The following RFX4 variants were observed in gnomAD, a reference collection of about 807,000 sequenced individuals.
The protein encoded by RFX4 is transcription factor RFX4.
Under a neutral mutation model 95.0 loss-of-function variants are expected in RFX4, and 10 were observed. The ratio of observed to expected loss-of-function variants is 0.11; its 90% CI spans 0.06 to 0.18. The LOEUF is 0.18. RFX4 is among the 10% of genes least tolerant of loss of function. The pLI, the probability that RFX4 is intolerant of heterozygous loss-of-function variation, is 1.00. For missense variants in RFX4, 640 were observed against 922.0 expected (o/e 0.69, Z 3.96); for synonymous variants, 321 against 340.7 (o/e 0.94, Z 0.64).
rs111704544 is a variant in RFX4 at position 106,681,854 on chromosome 12, G to T, written c.316-139G>T. On this transcript the variant is annotated intron_variant, in intron 4 of 17. Transcript: ENST00000392842. Reference sequence around the variant, plus strand: ...CTCTGACACCAGTAGTCTTCTCCAGGGTCCTCACAGACTCCTATTAAGTCA... The same window carrying T: ...CTCTGACACCAGTAGTCTTCTCCAGTGTCCTCACAGACTCCTATTAAGTCA... 50 of 774,268 alleles carry T rather than the reference G, an allele frequency of 6.5e-5. No individual in the cohort carries two copies. The African/African-American group carries it at 7.1e-4, about 11-fold the overall frequency. The allele number at this position is 774,268 out of a possible 1,614,324, so 48.0% of individuals were successfully genotyped here.
At chr12:106,584,250 GCCGTCAC>G (rs1406431720) in intron 1 of RFX4, among the ~76,000 whole-genome samples, 1 of 152,158 alleles carries the variant, frequency 6.6e-6, no homozygotes, top group Non-Finnish European at 1.5e-5. Context: ...CCTTTGAAGA[GCCGTCAC>G]ACTTCTAGAT....
intron 6 of RFX4, among the ~76,000 whole-genome samples, chr12:106,688,986 T>C (rs182386121): frequency 6.6e-6 from 1 of 152,296 alleles, no homozygotes. Flanking sequence ...GATACCATTT[T>C]TGTTTTCCTA....
intron 4 of RFX4, 131 bp from the exon 5 acceptor site, chr12:106,681,862 C>G: frequency 1.2e-6 from 1 of 859,562 alleles, no homozygotes; most frequent in Non-Finnish European, 1.9e-6. Flanking sequence ...AGGGTCCTCA[C>G]AGACTCCTAT....
intron 9 of RFX4, 115 bp from the exon 10 acceptor site, chr12:106,711,337 AG>A: frequency 1.2e-6 from 1 of 846,566 alleles, no homozygotes; most frequent in South Asian, 1.5e-5. Flanking sequence ...GGGATTGGGC[AG>A]TGAGATAAAC....
At chr12:106,704,668 T>G (rs904712349) in intron 8 of RFX4, among the ~76,000 whole-genome samples, 1 of 152,116 alleles carries the variant, frequency 6.6e-6, no homozygotes, top group African/African-American at 2.4e-5. Flanking sequence ...GACACTATGA[T>G]AGAGATAACC....
intron 17 of RFX4, among the ~76,000 whole-genome samples, chr12:106,757,932 T>C (rs2043138544): frequency 6.6e-6 from 1 of 152,260 alleles, no homozygotes; most frequent in Admixed American, 6.5e-5. Flanking sequence ...TTGGACTGTG[T>C]GTGCAGGCAC....
intron 7 of RFX4, among the ~76,000 whole-genome samples, chr12:106,694,270 C>G (rs1225095990): frequency 1.3e-5 from 2 of 152,202 alleles, no homozygotes; most frequent in Non-Finnish European, 2.9e-5. Context: ...ATCCTCCAAG[C>G]CTTCCATCCT....
intron 15 of RFX4, among the ~76,000 whole-genome samples, chr12:106,743,297 C>T (rs1004239442): frequency 7.9e-5 from 12 of 152,152 alleles, no homozygotes; most frequent in Admixed American, 3.3e-4. Flanking sequence ...CTGTAAGCTG[C>T]GCAGATTTTC....
intron 15 of RFX4, among the ~76,000 whole-genome samples, chr12:106,743,320 C>T (rs1322926524): frequency 6.6e-6 from 1 of 152,144 alleles, no homozygotes; most frequent in African/African-American, 2.4e-5. Context: ...TTATTAGCTT[C>T]CTTAGAAAAG....
At chr12:106,715,610 T>TAA in intron 11 of RFX4, 66 bp downstream of exon 11, 1 of 1,576,540 alleles carries the variant, frequency 6.3e-7, no homozygotes, top group Non-Finnish European at 8.7e-7. Context: ...AGTGTCTTAG[T>TAA]AAATACCGAA....
At chr12:106,742,431 C>A (rs2042823444) in intron 15 of RFX4, among the ~76,000 whole-genome samples, 2 of 152,198 alleles carry the variant, frequency 1.3e-5, no homozygotes, top group South Asian at 4.1e-4. Flanking sequence ...AATCAGCCCA[C>A]CTCAGCCTCC....
chr12:106,723,404 G>A (rs968364909), intron 13 of RFX4, among the ~76,000 whole-genome samples: 1 of 152,102 alleles, frequency 6.6e-6, no homozygotes, highest in Non-Finnish European at 1.5e-5. Flanking sequence ...TGGTGCCAGC[G>A]CCTTTACCTT....
chr12:106,634,699 C>T (rs2040478133), intron 2 of RFX4, among the ~76,000 whole-genome samples: 1 of 152,152 alleles, frequency 6.6e-6, no homozygotes, highest in Non-Finnish European at 1.5e-5. Context: ...TATCTGCTCT[C>T]ACCTTCTCCA....
intron 17 of RFX4, among the ~76,000 whole-genome samples, chr12:106,759,350 G>C (rs1229923145): frequency 6.6e-6 from 1 of 152,204 alleles, no homozygotes; most frequent in Non-Finnish European, 1.5e-5. Context: ...AGGCCTCTGT[G>C]CCAGGGAGAG....
At chr12:106,704,309 T>TA (rs1183000184) in intron 8 of RFX4, among the ~76,000 whole-genome samples, 10 of 152,266 alleles carry the variant, frequency 6.6e-5, no homozygotes, top group Non-Finnish European at 1.3e-4. Flanking sequence ...AGGAGACTGT[T>TA]AAAAAAATCA....
chr12:106,653,160 T>G (rs933486433), intron 3 of RFX4, among the ~76,000 whole-genome samples: 1 of 152,198 alleles, frequency 6.6e-6, no homozygotes, highest in Admixed American at 6.5e-5. Flanking sequence ...GGTATTTAAC[T>G]TTCCAGAGTG....
intron 16 of RFX4, among the ~76,000 whole-genome samples, chr12:106,748,187 A>G (rs1415556862): frequency 6.6e-6 from 1 of 152,190 alleles, no homozygotes; most frequent in Non-Finnish European, 1.5e-5. Context: ...GGTAGGGCCT[A>G]AACTGAGCAA....
chr12:106,651,700 G>A (rs187015238), intron 3 of RFX4, among the ~76,000 whole-genome samples: 1 of 152,296 alleles, frequency 6.6e-6, no homozygotes, highest in East Asian at 1.9e-4. Flanking sequence ...AATAGACAGG[G>A]TACAAAGAAA....
At chr12:106,651,749 T>C (rs887734990) in intron 3 of RFX4, among the ~76,000 whole-genome samples, 4 of 152,164 alleles carry the variant, frequency 2.6e-5, no homozygotes, top group Admixed American at 6.5e-5. Context: ...TCAGGGCACA[T>C]GTAGCTCTGG....
Sources: allele counts gnomAD v4.1 joint callset (sites outside exome capture counted in the v4.1 genomes callset), GRCh38; gene constraint gnomAD v4.1.1; transcripts MANE v1.5; gene names NCBI Gene and HGNC (gene_info 2026-07-23, HGNC 2026-07-21).